Variants in MPP3 observed in about 807,000 individuals in gnomAD.
MPP3 encodes MAGUK p55 scaffold protein 3, also known as MAGUK p55 subfamily member 3.
A neutral mutation model predicts 80.7 loss-of-function variants in MPP3; 48 were observed. That is an observed-to-expected ratio of 0.59 (90% CI 0.47 to 0.76). The LOEUF (loss-of-function observed/expected upper bound fraction) is 0.76, where lower values mean the gene tolerates loss of function less well. Ranked by LOEUF, MPP3 falls within the 30% of genes least tolerant of loss-of-function variation. The pLI, the probability that MPP3 is intolerant of heterozygous loss-of-function variation, is 0.00. For synonymous variants in MPP3, 311 were observed against 297.6 expected, an observed-to-expected ratio of 1.04 and a Z score of -0.46; for missense variants, 620 against 763.0, an observed-to-expected ratio of 0.81 and a Z score of 2.21.
At chr17:43,830,940 A>G (rs1223010399) in intron 5 of MPP3, among the ~76,000 whole-genome samples, 1 of 152,184 alleles carries the variant, frequency 6.6e-6, no homozygotes, top group African/African-American at 2.4e-5. Context: ...CAGTTTGGGA[A>G]CTGCTGAGCC....
chr17:43,803,180 C>T (rs563172057), intron 19 of MPP3, among the ~76,000 whole-genome samples: 94 of 152,240 alleles, frequency 6.2e-4, no homozygotes, highest in African/African-American at 2.2e-3. Flanking sequence ...CCCTGACACA[C>T]ACCCATCCTA....
At chr17:43,805,535 T>C (rs1700894690) in intron 19 of MPP3, among the ~76,000 whole-genome samples, 1 of 152,130 alleles carries the variant, frequency 6.6e-6, no homozygotes, top group Non-Finnish European at 1.5e-5. Flanking sequence ...GCTGAAAAGG[T>C]AGAAACAATC....
At chr17:43,805,226 A>G (rs988051679) in intron 19 of MPP3, among the ~76,000 whole-genome samples, 3 of 152,246 alleles carry the variant, frequency 2.0e-5, no homozygotes, top group African/African-American at 7.2e-5. Context: ...AAGATGCTCA[A>G]CTTCACTGAT....
At chr17:43,817,496 C>T (rs2045203647) in intron 12 of MPP3, among the ~76,000 whole-genome samples, 1 of 152,122 alleles carries the variant, frequency 6.6e-6, no homozygotes, top group South Asian at 2.1e-4. Flanking sequence ...ATAAGTATGC[C>T]TCAAATATTG....
At chr17:43,824,780 T>G (rs895502753) in intron 9 of MPP3, among the ~76,000 whole-genome samples, 11 of 152,084 alleles carry the variant, frequency 7.2e-5, no homozygotes, top group Admixed American at 3.3e-4. Context: ...TGTTGTTGTT[T>G]TTTTGTTTTT....
rs188821458 is a variant in MPP3, at chr17:43,801,788, A to T, written c.1671T>A (p.Asp557Glu). 3.7e-6 allele frequency: 6 copies of T among 1,614,126 alleles called. No individual in the cohort carries two copies. The East Asian group carries it at 1.3e-4, about 36-fold the overall frequency. Residue 557 changes from aspartate to glutamate, a missense_variant, in exon 20 of 20, where the codon GAT (aspartate) becomes GAA (glutamate). By Grantham distance (45) the Asp-to-Glu change is conservative. Coordinates refer to ENST00000398389, the MANE Select transcript of MPP3 (RefSeq NM_001932.6). ...TGAGCTGGCTGTAGGCACCCTGGAG[A>T]TCCTCCTTCACCAGCACGGCGTCTA... ...HLVDAVLVKE[D>E]LQGAYSQLKV...
At chr17:43,810,697 T>C (rs767954283) in intron 18 of MPP3, 110 bp downstream of exon 18, 74 of 713,408 alleles carry the variant, frequency 1.0e-4, no homozygotes, top group Non-Finnish European at 1.6e-4. Flanking sequence ...GAACAGCCAG[T>C]GTTCTAGACT....
chr17:43,814,709 GA>G, intron 14 of MPP3: 1 of 197,982 alleles, frequency 5.1e-6, no homozygotes, highest in East Asian at 1.2e-4. Context: ...TGGACCAAGG[GA>G]AAATGTCATA....
intron 8 of MPP3, among the ~76,000 whole-genome samples, chr17:43,827,321 T>C (rs2045752787): frequency 1.4e-5 from 2 of 142,782 alleles, no homozygotes; most frequent in South Asian, 2.2e-4. Context: ...TGGCTTTTTT[T>C]TTTTTTTCTT....
chr17:43,818,752 C>G (rs557995547), intron 11 of MPP3, among the ~76,000 whole-genome samples: 2 of 152,160 alleles, frequency 1.3e-5, no homozygotes, highest in South Asian at 4.2e-4. Context: ...CGGTGAAACC[C>G]CGTCTCTACT....
At position 43,822,257 on chromosome 17, in the gene MPP3, A is replaced by G. The variant is rs1448935534; in HGVS notation, c.685-1199T>C. ...ATTATTTCTTCACTTGCTGTAAAAA[A>G]CTGTCATTGAAGACGTAGTCCATTA... is the stretch of plus-strand genomic sequence containing the variant. On this transcript the variant is annotated intron_variant, in intron 10 of 19. Transcript: ENST00000398389. Among the ~76,000 whole-genome samples the G allele has an allele frequency of 2.0e-5, 3 of 152,202 alleles. No homozygotes were observed. In the East Asian group the frequency reaches 5.8e-4, roughly 29 times the overall value.
chr17:43,820,621 C>G (rs2045400338), intron 11 of MPP3, among the ~76,000 whole-genome samples: 1 of 150,542 alleles, frequency 6.6e-6, no homozygotes, highest in Non-Finnish European at 1.5e-5. Context: ...CACACACACA[C>G]ACACACACAC....
intron 8 of MPP3, among the ~76,000 whole-genome samples, chr17:43,826,871 C>T (rs528224405): frequency 1.4e-5 from 2 of 145,380 alleles, no homozygotes; most frequent in Admixed American, 6.8e-5. Flanking sequence ...GGTCTCACTG[C>T]GTCGCCCACT....
In MPP3 at chr17:43,812,963, C is replaced by T. The variant is rs564537430; in HGVS notation, c.1255+1048G>A. On this transcript the variant is annotated intron_variant, in intron 16 of 19. Transcript: ENST00000398389. ...CAGCTCTGACAACCCACAGACTAGA[C>T]GCTGGGCCCAGGGGCCCAGGGAGAG... Among the ~76,000 whole-genome samples the T allele has an allele frequency of 3.2e-4, 49 of 152,288 alleles. No homozygotes were observed. In the East Asian group the frequency reaches 7.4e-3, roughly 23 times the overall value.
At chr17:43,810,986 C>T in intron 17 of MPP3, 71 bp from the exon 18 acceptor site, 3 of 1,434,046 alleles carry the variant, frequency 2.1e-6, no homozygotes, top group African/African-American at 1.4e-5. Context: ...CAAAGGGGAC[C>T]TCCCAACATG....
At chr17:43,826,550 G>A (rs1011342260) in intron 8 of MPP3, among the ~76,000 whole-genome samples, 1 of 152,126 alleles carries the variant, frequency 6.6e-6, no homozygotes, top group Non-Finnish European at 1.5e-5. Context: ...GGGTAACATC[G>A]CCCTATACCA....
At chr17:43,830,170 T>C in intron 5 of MPP3, 63 bp from the exon 6 acceptor site, 5 of 1,276,788 alleles carry the variant, frequency 3.9e-6, no homozygotes, top group Non-Finnish European at 5.3e-6. Context: ...ATCTGCTGGG[T>C]CCTTCCTCTT....
chr17:43,827,129 C>T (rs997136173), intron 8 of MPP3, among the ~76,000 whole-genome samples: 19 of 152,058 alleles, frequency 1.2e-4, no homozygotes, highest in African/African-American at 4.6e-4. Flanking sequence ...GATTCTCTTG[C>T]CTCAGCCTTC....
At chr17:43,820,639 C>CACACACACACAT (rs796095687) in intron 11 of MPP3, among the ~76,000 whole-genome samples, 2,573 of 145,124 alleles carry the variant, frequency 0.018, 73 homozygotes, top group African/African-American at 0.059. Flanking sequence ...CACACACACA[C>CACACACACACAT]ATTAACTTAA....
Sources: allele counts gnomAD v4.1 joint callset (sites outside exome capture counted in the v4.1 genomes callset), GRCh38; gene constraint gnomAD v4.1.1; transcripts MANE v1.5; gene names NCBI Gene and HGNC (gene_info 2026-07-23, HGNC 2026-07-21).